The following NKAIN2 variants were observed in gnomAD, a reference collection of about 807,000 sequenced individuals.
NKAIN2 encodes sodium/potassium-transporting ATPase subunit beta-1-interacting protein 2.
Under a neutral mutation model 32.6 loss-of-function variants are expected in NKAIN2, and 14 were observed. The ratio of observed to expected loss-of-function variants is 0.43; its 90% CI spans 0.28 to 0.67. The LOEUF (loss-of-function observed/expected upper bound fraction) is 0.67. NKAIN2 is among the 30% of genes least tolerant of loss of function. The probability of loss-of-function intolerance (pLI) is 0.17; values close to 1 mark genes in which losing one functional copy is unlikely to be tolerated. For synonymous variants in NKAIN2, 80 were observed against 87.2 expected (o/e 0.92, Z 0.46); for missense variants, 198 against 258.3 (o/e 0.77, Z 1.60).
intron 3 of NKAIN2, among the ~76,000 whole-genome samples, chr6:124,582,378 C>T (rs946630717): frequency 1.9e-4 from 29 of 152,158 alleles, no homozygotes; most frequent in African/African-American, 7.0e-4. Flanking sequence ...CAGGTTAATT[C>T]CTAGACACTT....
In NKAIN2 at chr6:124,581,817, C is replaced by T. The variant is rs931571137; in HGVS notation, c.274-76369C>T. 7.9e-5 allele frequency among the ~76,000 whole-genome samples: 12 copies of T among 152,178 alleles called. 1 individual carries two copies. In the East Asian group the frequency reaches 1.9e-3, roughly 24 times the overall value. ...TAAAACTTCTTGAAACAAATGACAA[C>T]GGAAACACAACACACCAAAACCTGT... is the stretch of plus-strand genomic sequence containing the variant. On this transcript the variant is annotated intron_variant, in intron 3 of 6. Transcript: ENST00000368417.
At position 124,096,367 on chromosome 6, in the gene NKAIN2, A is replaced by G. The variant is rs371614682; in HGVS notation, c.55-186638A>G. 2.2e-3 allele frequency among the ~76,000 whole-genome samples: 334 copies of G among 152,288 alleles called. 3 individuals are homozygous for G. Among genetic ancestry groups the G allele is most frequent in the African/African-American group, 7.7e-3 (320 of 41,560 alleles). On this transcript the variant is annotated intron_variant, in intron 1 of 6. Transcript: ENST00000368417. ...TCCAGGATACATACATGGACATCCC[A>G]ATACTCTGATGTTTTAATGATCAGG...
chr6:124,332,815 T>C (rs904943834), intron 2 of NKAIN2, among the ~76,000 whole-genome samples: 21 of 152,198 alleles, frequency 1.4e-4, no homozygotes, highest in Non-Finnish European at 2.5e-4. Flanking sequence ...CTAAGACTTG[T>C]TATATGAGAA....
intron 1 of NKAIN2, among the ~76,000 whole-genome samples, chr6:124,255,032 A>C (rs1793862333): frequency 4.6e-5 from 7 of 152,220 alleles, no homozygotes; most frequent in Admixed American, 4.6e-4. Flanking sequence ...CCGATAGTGA[A>C]CTAGTAGAGT....
At chr6:124,115,464 A>T (rs925792546) in intron 1 of NKAIN2, among the ~76,000 whole-genome samples, 1 of 152,124 alleles carries the variant, frequency 6.6e-6, no homozygotes, top group Non-Finnish European at 1.5e-5. Context: ...CTATAGTGTT[A>T]TCAGACAGAC....
At chr6:123,922,441 T>G (rs1775798962) in intron 1 of NKAIN2, among the ~76,000 whole-genome samples, 1 of 152,216 alleles carries the variant, frequency 6.6e-6, no homozygotes, top group Non-Finnish European at 1.5e-5. Context: ...TTTATTCTTA[T>G]AGAAATCTGT....
At chr6:123,870,593 G>C (rs1772819365) in intron 1 of NKAIN2, among the ~76,000 whole-genome samples, 1 of 152,158 alleles carries the variant, frequency 6.6e-6, no homozygotes, top group South Asian at 2.1e-4. Context: ...TAATAATGCT[G>C]TTATATATGT....
rs1183964469 is a variant in NKAIN2 at position 124,710,360 on chromosome 6, G to A, written c.474+51974G>A. Among the ~76,000 whole-genome samples the A allele has an allele frequency of 1.8e-4, 28 of 152,044 alleles. No individual in the cohort carries two copies. The East Asian group carries it at 5.2e-3, about 28-fold the overall frequency. ...GTCTATTAGGTCTTCTTGGTGCAGA[G>A]CTGAGTTCAATTCCTGGGTATCCTT... is the stretch of plus-strand genomic sequence containing the variant. On this transcript the variant is annotated intron_variant, in intron 4 of 6. Coordinates refer to ENST00000368417, the MANE Select transcript of NKAIN2 (RefSeq NM_001040214.3).
intron 1 of NKAIN2, among the ~76,000 whole-genome samples, chr6:124,236,647 T>A (rs1045573128): frequency 2.0e-5 from 3 of 152,172 alleles, no homozygotes; most frequent in Non-Finnish European, 4.4e-5. Context: ...CTGGAAAGCT[T>A]ATTAAATATC....
chr6:124,496,228 A>G (rs1210513284), intron 3 of NKAIN2, among the ~76,000 whole-genome samples: 3 of 152,178 alleles, frequency 2.0e-5, no homozygotes, highest in African/African-American at 7.2e-5. Context: ...TATTCCAGCC[A>G]TCAGTCCTTT....
At chr6:124,740,908 T>C (rs941288914) in intron 4 of NKAIN2, among the ~76,000 whole-genome samples, 2 of 151,844 alleles carry the variant, frequency 1.3e-5, no homozygotes, top group East Asian at 3.9e-4. Flanking sequence ...AGGAAGTCAA[T>C]ATGGAATTTC....
intron 3 of NKAIN2, among the ~76,000 whole-genome samples, chr6:124,362,120 A>G (rs1799315617): frequency 6.6e-6 from 1 of 152,134 alleles, no homozygotes; most frequent in African/African-American, 2.4e-5. Flanking sequence ...AATTGATTTA[A>G]GACAAAATTT....
At chr6:124,745,311 A>T (rs1473428157) in intron 4 of NKAIN2, among the ~76,000 whole-genome samples, 1 of 151,900 alleles carries the variant, frequency 6.6e-6, no homozygotes, top group Admixed American at 6.6e-5. Context: ...ACAAACACTT[A>T]GAAGCATACA....
At chr6:123,995,458 A>G (rs1446116094) in intron 1 of NKAIN2, among the ~76,000 whole-genome samples, 1 of 152,202 alleles carries the variant, frequency 6.6e-6, no homozygotes, top group Non-Finnish European at 1.5e-5. Context: ...TTCTAGTAGA[A>G]TAATGTATAT....
At chr6:124,449,133 A>C (rs1239144739) in intron 3 of NKAIN2, among the ~76,000 whole-genome samples, 1 of 152,176 alleles carries the variant, frequency 6.6e-6, no homozygotes, top group Non-Finnish European at 1.5e-5. Context: ...TCTCATAGGA[A>C]GTCAGATAAG....
chr6:124,050,542 T>G (rs1440382192), intron 1 of NKAIN2, among the ~76,000 whole-genome samples: 1 of 152,024 alleles, frequency 6.6e-6, no homozygotes, highest in Non-Finnish European at 1.5e-5. Context: ...TGGTTTTCCT[T>G]GTATAACTCT....
intron 1 of NKAIN2, among the ~76,000 whole-genome samples, chr6:123,999,336 T>G (rs1368843621): frequency 6.6e-6 from 1 of 152,174 alleles, no homozygotes; most frequent in East Asian, 1.9e-4. Context: ...AAGGTCAGTG[T>G]GTGTCTGGGG....
intron 1 of NKAIN2, among the ~76,000 whole-genome samples, chr6:124,233,021 A>G (rs1247638739): frequency 6.6e-6 from 1 of 152,120 alleles, no homozygotes; most frequent in African/African-American, 2.4e-5. Flanking sequence ...AGGAAAGGAG[A>G]GAATTCTGAG....
At chr6:123,901,014 C>T (rs1027448594) in intron 1 of NKAIN2, among the ~76,000 whole-genome samples, 6 of 152,150 alleles carry the variant, frequency 3.9e-5, no homozygotes, top group Non-Finnish European at 7.4e-5. Context: ...ATTTACCCTG[C>T]GTATCATTCC....
Sources: allele counts gnomAD v4.1 joint callset (sites outside exome capture counted in the v4.1 genomes callset), GRCh38; gene constraint gnomAD v4.1.1; transcripts MANE v1.5; gene names NCBI Gene and HGNC (gene_info 2026-07-23, HGNC 2026-07-21).